The following FANCL variants were observed in gnomAD, a reference collection of about 807,000 sequenced individuals.
FANCL encodes the protein E3 ubiquitin-protein ligase FANCL.
FANCL carries 69 observed loss-of-function variants against 59.4 expected under a neutral mutation model. The ratio of observed to expected loss-of-function variants is 1.16; its 90% CI spans 0.96 to 1.42. The LOEUF is 1.42. Ranked by LOEUF, FANCL falls within the 40% of genes most tolerant of loss-of-function variation. FANCL has a pLI of 0.00. For synonymous variants in FANCL, 180 were observed against 147.1 expected, an observed-to-expected ratio of 1.22 and a Z score of -1.62; for missense variants, 519 against 447.2, an observed-to-expected ratio of 1.16 and a Z score of -1.45.
chr2:58,195,491 G>C (rs1040434911), intron 7 of FANCL, among the ~76,000 whole-genome samples: 1 of 152,020 alleles, frequency 6.6e-6, no homozygotes, highest in African/African-American at 2.4e-5. Flanking sequence ...ATACCTTTCT[G>C]AACTATAGCA....
At chr2:58,236,485 C>T (rs1355537489) in intron 1 of FANCL, among the ~76,000 whole-genome samples, 3 of 149,706 alleles carry the variant, frequency 2.0e-5, no homozygotes, top group Admixed American at 1.3e-4. Context: ...CACACACACA[C>T]ACAGCCAATA....
intron 3 of FANCL, 23 bp downstream of exon 3, chr2:58,229,791 T>G (rs1472029735): frequency 1.9e-6 from 3 of 1,561,586 alleles, no homozygotes; most frequent in Non-Finnish European, 2.6e-6. Flanking sequence ...ACTGAAAACA[T>G]AAACCTTTTA....
chr2:58,189,579 A>T (rs1260675827), intron 7 of FANCL, among the ~76,000 whole-genome samples: 1 of 152,166 alleles, frequency 6.6e-6, no homozygotes, highest in Non-Finnish European at 1.5e-5. Flanking sequence ...CATAACTGTT[A>T]TTAAATTATG....
intron 3 of FANCL, among the ~76,000 whole-genome samples, chr2:58,227,151 G>A (rs964344593): frequency 6.6e-6 from 1 of 152,204 alleles, no homozygotes; most frequent in African/African-American, 2.4e-5. Flanking sequence ...ACCTCTAGGG[G>A]AGCATACAGA....
At chr2:58,179,103 A>G (rs538058121) in intron 7 of FANCL, among the ~76,000 whole-genome samples, 2 of 152,308 alleles carry the variant, frequency 1.3e-5, no homozygotes, top group African/African-American at 4.8e-5. Flanking sequence ...AAATGGAAAA[A>G]CATTCCATAT....
chr2:58,216,473 A>G (rs1053758815), intron 5 of FANCL, among the ~76,000 whole-genome samples: 10 of 152,164 alleles, frequency 6.6e-5, no homozygotes, highest in Non-Finnish European at 1.2e-4. Context: ...TATGCCTCCA[A>G]ATTAAGCCAG....
chr2:58,171,646 C>T (rs1416432083), intron 7 of FANCL, among the ~76,000 whole-genome samples: 1 of 152,172 alleles, frequency 6.6e-6, no homozygotes, highest in Non-Finnish European at 1.5e-5. Flanking sequence ...CGAATAGGAA[C>T]AGCTCCGGTC....
At chr2:58,190,988 TTC>T (rs1449250578) in intron 7 of FANCL, among the ~76,000 whole-genome samples, 1 of 151,876 alleles carries the variant, frequency 6.6e-6, no homozygotes, top group African/African-American at 2.4e-5. Context: ...TATCTATCAT[TTC>T]TGTCTTCAAC....
In FANCL at chr2:58,220,912, G is replaced by A. The variant is rs188899170; in HGVS notation, c.374+1030C>T. ...GAATACTAAAATACTATTGATAACGGTTAAGAAGTGATAAGAATTGCCGGG... is the reference window on the plus strand; with the variant it reads ...GAATACTAAAATACTATTGATAACGATTAAGAAGTGATAAGAATTGCCGGG... On this transcript the variant is annotated intron_variant, in intron 5 of 13. Coordinates refer to ENST00000233741, the MANE Select transcript of FANCL (RefSeq NM_018062.4). Among the ~76,000 whole-genome samples, 38 of 152,220 alleles carry A rather than the reference G, an allele frequency of 2.5e-4. 1 individual carries two copies. The East Asian group carries it at 7.3e-3, about 29-fold the overall frequency.
chr2:58,218,330 CAG>C (rs1461594517), intron 5 of FANCL, among the ~76,000 whole-genome samples: 2 of 151,424 alleles, frequency 1.3e-5, no homozygotes, highest in African/African-American at 4.9e-5. Context: ...AAATATACAA[CAG>C]AGAAAATTAA....
chr2:58,192,882 C>T (rs1434568281), intron 7 of FANCL, among the ~76,000 whole-genome samples: 1 of 151,784 alleles, frequency 6.6e-6, no homozygotes, highest in South Asian at 2.1e-4. Flanking sequence ...AACAAAAAAC[C>T]TTGCAAACTT....
chr2:58,161,466 A>T (rs752633179), intron 12 of FANCL, 56 bp downstream of exon 12: 17 of 1,069,406 alleles, frequency 1.6e-5, no homozygotes, highest in Non-Finnish European at 2.5e-5. Flanking sequence ...TCAAACAGGA[A>T]TACTTCCTAT....
intron 7 of FANCL, among the ~76,000 whole-genome samples, chr2:58,169,417 C>T (rs933123564): frequency 3.9e-5 from 6 of 152,062 alleles, no homozygotes; most frequent in African/African-American, 1.2e-4. Context: ...ATATCAAAGA[C>T]CAAACGTAGA....
chr2:58,167,810 G>C (rs927228719), intron 7 of FANCL, among the ~76,000 whole-genome samples: 5 of 152,116 alleles, frequency 3.3e-5, no homozygotes, highest in Admixed American at 6.5e-5. Flanking sequence ...TCAAAAATGT[G>C]ACAAGTTGGA....
chr2:58,166,755 C>T lies in FANCL; in HGVS notation c.541-881G>A, dbSNP rs1049540383. 2.0e-5 allele frequency among the ~76,000 whole-genome samples: 3 copies of T among 152,128 alleles called. No homozygotes were observed. The East Asian group carries it at 5.8e-4, about 29-fold the overall frequency. On this transcript the variant is annotated intron_variant, in intron 7 of 13. Coordinates refer to ENST00000233741, the MANE Select transcript of FANCL (RefSeq NM_018062.4). ...CAATAATTTAAGAATATGATACACC[C>T]TAAGATGAAAAGAAACTAGCCACTT...
chr2:58,203,731 T>C (rs1447940825), intron 6 of FANCL, among the ~76,000 whole-genome samples: 1 of 151,988 alleles, frequency 6.6e-6, no homozygotes, highest in Non-Finnish European at 1.5e-5. Context: ...GGATCACAGA[T>C]AAGAATAAGA....
chr2:58,226,942 A>G (rs1483652661), intron 3 of FANCL, among the ~76,000 whole-genome samples, 158 bp from the exon 4 acceptor site: 1 of 152,152 alleles, frequency 6.6e-6, no homozygotes, highest in African/African-American at 2.4e-5. Flanking sequence ...CAACTTTACT[A>G]CTCCTACCAA....
intron 5 of FANCL, among the ~76,000 whole-genome samples, chr2:58,215,033 T>C (rs2105229683): frequency 6.6e-6 from 1 of 152,336 alleles, no homozygotes; most frequent in East Asian, 1.9e-4. Flanking sequence ...GAAATAAAAC[T>C]AGAACATTTC....
intron 7 of FANCL, among the ~76,000 whole-genome samples, chr2:58,169,368 A>C (rs1686297925): frequency 6.6e-6 from 1 of 152,146 alleles, no homozygotes; most frequent in Non-Finnish European, 1.5e-5. Context: ...ACATCAACAA[A>C]AAGGACATCC....
Sources: gnomAD v4.1 joint callset for allele counts (sites outside exome capture counted in the v4.1 genomes callset) on GRCh38, gnomAD v4.1.1 for gene constraint, MANE v1.5 for transcripts, NCBI Gene and HGNC (gene_info 2026-07-23, HGNC 2026-07-21) for gene names.